The following SLC16A12 variants were observed in gnomAD, a reference collection of about 807,000 sequenced individuals.
The protein encoded by SLC16A12 is monocarboxylate transporter 12.
In SLC16A12, 17 loss-of-function variants were observed where a neutral mutation model predicts 42.4. That is an observed-to-expected ratio of 0.40 (90% CI 0.27 to 0.60). SLC16A12 has a LOEUF of 0.60. SLC16A12 is among the 20% of genes least tolerant of loss of function. SLC16A12 has a pLI of 0.42. For missense variants in SLC16A12, 544 were observed against 623.0 expected (o/e 0.87, Z 1.35); for synonymous variants, 224 against 229.4 (o/e 0.98, Z 0.21).
intron 3 of SLC16A12, among the ~76,000 whole-genome samples, chr10:89,454,574 C>G (rs1842153950): frequency 6.6e-6 from 1 of 151,944 alleles, no homozygotes; most frequent in African/African-American, 2.4e-5. Flanking sequence ...CTCTTCACTT[C>G]AGCAATACTG....
At chr10:89,454,616 C>A (rs1159620246) in intron 3 of SLC16A12, among the ~76,000 whole-genome samples, 1 of 151,776 alleles carries the variant, frequency 6.6e-6, no homozygotes, top group African/African-American at 2.4e-5. Context: ...ACACATCACC[C>A]ATGATTTTTT....
At chr10:89,437,234 T>C (rs947102023) in intron 6 of SLC16A12, among the ~76,000 whole-genome samples, 1 of 152,246 alleles carries the variant, frequency 6.6e-6, no homozygotes. Context: ...TGAAGTCTAA[T>C]ATATTTCAAG....
chr10:89,450,912 T>A (rs778523636), intron 3 of SLC16A12, among the ~76,000 whole-genome samples: 2 of 152,164 alleles, frequency 1.3e-5, no homozygotes, highest in Non-Finnish European at 2.9e-5. Flanking sequence ...AATGTGTATA[T>A]ATGTGTGTGT....
intron 2 of SLC16A12, among the ~76,000 whole-genome samples, chr10:89,506,118 C>G (rs1843057514): frequency 6.6e-6 from 1 of 152,194 alleles, no homozygotes; most frequent in African/African-American, 2.4e-5. Context: ...GGACAGAGAA[C>G]CTGGGGGAAG....
intron 2 of SLC16A12, among the ~76,000 whole-genome samples, chr10:89,507,705 C>A (rs1276141341): frequency 1.2e-4 from 19 of 152,164 alleles, no homozygotes. Flanking sequence ...ATCATAATGA[C>A]AGGATCAAAT....
At chr10:89,555,489 ATATATACG>A (rs1439065190) in intron 2 of SLC16A12, among the ~76,000 whole-genome samples, 9 of 147,060 alleles carry the variant, frequency 6.1e-5, no homozygotes, top group Non-Finnish European at 1.0e-4. Context: ...ATATATACGT[ATATATACG>A]TATATACGTA....
intron 2 of SLC16A12, among the ~76,000 whole-genome samples, chr10:89,481,662 TGTGAGAGA>T (rs1842664319): frequency 7.3e-6 from 1 of 136,820 alleles, no homozygotes; most frequent in African/African-American, 2.7e-5. Context: ...TGTGTGTGTG[TGTGAGAGA>T]GAGAGAGAGT....
At chr10:89,515,514 G>A (rs969216731) in intron 2 of SLC16A12, among the ~76,000 whole-genome samples, 1 of 152,122 alleles carries the variant, frequency 6.6e-6, no homozygotes, top group African/African-American at 2.4e-5. Context: ...CACTTTACAG[G>A]CACAGTAGAA....
chr10:89,547,303 AG>A (rs758413101), intron 2 of SLC16A12, among the ~76,000 whole-genome samples: 9 of 152,246 alleles, frequency 5.9e-5, no homozygotes, highest in African/African-American at 9.6e-5. Flanking sequence ...CAATTACTTG[AG>A]GAAAAAAACA....
chr10:89,451,161 G>A (rs1027604142), intron 3 of SLC16A12, among the ~76,000 whole-genome samples: 4 of 152,158 alleles, frequency 2.6e-5, no homozygotes, highest in African/African-American at 7.2e-5. Context: ...TAATCTCTTT[G>A]GAGCTAAGTT....
intron 3 of SLC16A12, among the ~76,000 whole-genome samples, chr10:89,445,744 C>T (rs542961021): frequency 9.2e-5 from 14 of 152,234 alleles, no homozygotes; most frequent in Admixed American, 5.9e-4. Flanking sequence ...CAAAGCTGGA[C>T]GGATAATGAC....
chr10:89,472,879 G>A (rs190506703), intron 2 of SLC16A12, among the ~76,000 whole-genome samples: 5 of 151,952 alleles, frequency 3.3e-5, no homozygotes, highest in Admixed American at 6.6e-5. Context: ...GTGCAGTGGC[G>A]CTATCATGGC....
intron 2 of SLC16A12, among the ~76,000 whole-genome samples, chr10:89,484,278 C>T (rs1475760): frequency 6.6e-6 from 1 of 152,160 alleles, no homozygotes; most frequent in Admixed American, 6.5e-5. Flanking sequence ...AAGACCTAAA[C>T]TACGTATATA....
chr10:89,528,053 TGGCCAGGCATG>T (rs1843484119), intron 2 of SLC16A12, among the ~76,000 whole-genome samples: 1 of 151,998 alleles, frequency 6.6e-6, no homozygotes, highest in African/African-American at 2.4e-5. Context: ...TATAAAAGTC[TGGCCAGGCATG>T]GTGGCTCATG....
upstream of SLC16A12, among the ~76,000 whole-genome samples, chr10:89,538,312 C>T (rs1329709400): frequency 1.3e-5 from 2 of 152,236 alleles, no homozygotes; most frequent in Non-Finnish European, 2.9e-5. Flanking sequence ...TATGTTTGCA[C>T]AGTCCCAACA....
chr10:89,458,942 T>G (rs1842244746), intron 3 of SLC16A12, among the ~76,000 whole-genome samples: 1 of 152,216 alleles, frequency 6.6e-6, no homozygotes, highest in African/African-American at 2.4e-5. Flanking sequence ...AAGTAAGATG[T>G]GTTTAACTTT....
intron 3 of SLC16A12, among the ~76,000 whole-genome samples, chr10:89,446,313 A>G (rs1444512070): frequency 2.6e-5 from 4 of 152,172 alleles, no homozygotes; most frequent in Non-Finnish European, 5.9e-5. Flanking sequence ...TATCAGATTC[A>G]CCAATGTTGA....
chr10:89,502,691 C>T (rs1040787037), intron 2 of SLC16A12, among the ~76,000 whole-genome samples: 4 of 152,118 alleles, frequency 2.6e-5, no homozygotes, highest in African/African-American at 4.8e-5. Flanking sequence ...GCACATGTGT[C>T]GGACACTGCT....
chr10:89,555,350 T>C (rs1448656909), intron 2 of SLC16A12, among the ~76,000 whole-genome samples: 2 of 151,402 alleles, frequency 1.3e-5, no homozygotes, highest in Non-Finnish European at 2.9e-5. Flanking sequence ...ACAGGGATAA[T>C]GAGCTTAAAT....
Sources: allele counts gnomAD v4.1 joint callset (sites outside exome capture counted in the v4.1 genomes callset), GRCh38; gene constraint gnomAD v4.1.1; transcripts MANE v1.5; gene names NCBI Gene and HGNC (gene_info 2026-07-23, HGNC 2026-07-21).